The following NUMBL variants were observed in gnomAD, a reference collection of about 807,000 sequenced individuals.
The protein encoded by NUMBL is NUMB like endocytic adaptor protein.
A neutral mutation model predicts 48.9 loss-of-function variants in NUMBL; 20 were observed. That is an observed-to-expected ratio of 0.41 (90% CI 0.29 to 0.59). The LOEUF (loss-of-function observed/expected upper bound fraction) is 0.59, where lower values mean the gene tolerates loss of function less well. Ranked by LOEUF, NUMBL falls within the 20% of genes least tolerant of loss-of-function variation. The pLI, the probability that NUMBL is intolerant of heterozygous loss-of-function variation, is 0.31. For missense variants in NUMBL, 660 were observed against 846.2 expected (o/e 0.78, Z 2.73); for synonymous variants, 340 against 348.7 (o/e 0.98, Z 0.28).
chr19:40,670,085 A>AC, intron 8 of NUMBL, 65 bp from the exon 9 acceptor site: 3 of 1,545,692 alleles, frequency 1.9e-6, no homozygotes, highest in South Asian at 1.2e-5. Flanking sequence ...CCCGCCCTCT[A>AC]CCCCCCGCCC....
At position 40,687,116 on chromosome 19, in the gene NUMBL, T is replaced by G; in HGVS notation, c.25-121A>C. ...ATCTTGGGCTCCCTGATGAGAGTCCTAGTTGTCCTAGCAACTGTTACCAGG... is the reference window on the plus strand; with the variant it reads ...ATCTTGGGCTCCCTGATGAGAGTCCGAGTTGTCCTAGCAACTGTTACCAGG... On this transcript the variant is annotated intron_variant, in intron 1 of 9. Coordinates refer to ENST00000252891, the MANE Select transcript of NUMBL (RefSeq NM_004756.5). The surrounding 1 kb of genome is among the most constrained non-coding windows in gnomAD (Gnocchi z 4.6). 1 of 600,396 alleles carries G rather than the reference T, an allele frequency of 1.7e-6. No individual in the cohort carries two copies. Among genetic ancestry groups the G allele is most frequent in the Middle Eastern group, 4.3e-4 (1 of 2,316 alleles). 37.2% of individuals were successfully genotyped at this position (600,396 alleles called of 1,614,324 possible).
intron 6 of NUMBL, among the ~76,000 whole-genome samples, chr19:40,679,482 C>G (rs1599909019): frequency 6.6e-6 from 1 of 152,098 alleles, no homozygotes; most frequent in African/African-American, 2.4e-5. Flanking sequence ...AGTTCAAGAC[C>G]AACCTGACCT....
Position 40,686,943 on chromosome 19 carries a change from GGGGCCCC to G in NUMBL, c.70_76del (p.Gly24ArgfsTer17), listed in dbSNP as rs2081938146. On this transcript the variant is annotated frameshift_variant, in exon 2 of 10. Transcript: ENST00000252891. LOFTEE classifies it high-confidence loss of function. ...CGTCCTGCAGGTTTCTGGGGGCCCCGGGGCCCCACAGGGGGCTGGGGGCAGGTGCCGC... is the reference window on the plus strand; with the variant it reads ...CGTCCTGCAGGTTTCTGGGGGCCCCGACAGGGGGCTGGGGGCAGGTGCCGC... 3.9e-6 allele frequency: 6 copies of G among 1,544,908 alleles called. No homozygotes were observed. Among genetic ancestry groups the G allele is most frequent in the Non-Finnish European group, 5.2e-6 (6 of 1,143,648 alleles).
intron 2 of NUMBL, among the ~76,000 whole-genome samples, chr19:40,686,703 G>A (rs1379097503): frequency 1.3e-5 from 1 of 75,362 alleles, no homozygotes; most frequent in African/African-American, 1.3e-4. Context: ...AGATGTGAGT[G>A]TTTGTGACTC....
intron 3 of NUMBL, among the ~76,000 whole-genome samples, chr19:40,683,720 G>A (rs1446078438): frequency 1.3e-5 from 2 of 152,196 alleles, no homozygotes; most frequent in East Asian, 3.8e-4. Flanking sequence ...CTTTGCAAAT[G>A]CTACACCACA....
chr19:40,677,227 C>A lies in NUMBL; in HGVS notation c.730+5G>T. On this transcript the variant is annotated splice_donor_5th_base_variant and intron_variant, in intron 7 of 9. Transcript: ENST00000252891. Reference sequence around the variant, plus strand: ...TGCTCTGCTGGCGCTTGGGGCAACACCCACCTTTCTTCTTGTCCGGGGCCT... The same window carrying A: ...TGCTCTGCTGGCGCTTGGGGCAACAACCACCTTTCTTCTTGTCCGGGGCCT... The A allele has an allele frequency of 6.4e-7, 1 of 1,553,346 alleles. No homozygotes were observed. The highest frequency in any genetic ancestry group is 8.7e-7 in the Non-Finnish European group (1 of 1,149,070).
intron 1 of NUMBL, 148 bp downstream of exon 1, chr19:40,690,312 T>A (rs1356533850): frequency 2.4e-6 from 1 of 419,288 alleles, no homozygotes; most frequent in African/African-American, 2.1e-5. Context: ...TTTGGCTTGT[T>A]GGGCCTGTTC....
intron 2 of NUMBL, chr19:40,685,513 G>A (rs2081929828): frequency 6.5e-6 from 1 of 153,940 alleles, no homozygotes; most frequent in Non-Finnish European, 1.5e-5. Context: ...GTTGTTGTCT[G>A]TGAGTCTGAG....
At chr19:40,679,374 TTAAA>T (rs1399024441) in intron 6 of NUMBL, among the ~76,000 whole-genome samples, 1 of 151,900 alleles carries the variant, frequency 6.6e-6, no homozygotes, top group Non-Finnish European at 1.5e-5. Context: ...CGCTGTGTCA[TTAAA>T]TAAATTAATT....
chr19:40,673,499 T>C lies in NUMBL; in HGVS notation c.881A>G (p.His294Arg). The C allele has an allele frequency of 6.3e-7, 1 of 1,585,092 alleles. No homozygotes were observed. Among genetic ancestry groups the C allele is most frequent in the South Asian group, 1.1e-5 (1 of 87,436 alleles). The part of the protein sequence containing the change: ...GTTAAAIPRR[H>R]APLEQLVRQG... ...GCGAACCAGCTGCTCCAGGGGTGCA[T>C]GGCGCCGGGGGATGGCGGCCGCAGT... is the stretch of plus-strand genomic sequence containing the variant. Residue 294 changes from histidine to arginine, a missense_variant, in exon 8 of 10, where the codon CAT becomes CGT. His to Arg is a conservative substitution (Grantham distance 29, BLOSUM62 0). Coordinates refer to ENST00000252891, the MANE Select transcript of NUMBL (RefSeq NM_004756.5). The surrounding 1 kb of genome is among the most constrained non-coding windows in gnomAD (Gnocchi z 5.9).
At position 40,667,811 on chromosome 19, in the gene NUMBL, C is replaced by T. The variant is rs1433755300; in HGVS notation, c.1487G>A (p.Gly496Asp). 6.3e-7 allele frequency: 1 copy of T among 1,584,882 alleles called. No individual in the cohort carries two copies. Among genetic ancestry groups the T allele is most frequent in the Non-Finnish European group, 8.6e-7 (1 of 1,166,034 alleles). The change falls in exon 10 of 10, where the codon GGC (glycine) becomes GAC (aspartate). Residue 496 changes from glycine to aspartate, a missense_variant. Around this residue, in one of 3 missense-constraint regions of NUMBL, gnomAD observed 296 missense variants for 339.7 expected, o/e 0.87. Transcript: ENST00000252891. This position sits in a 1 kb window ranked among gnomAD's most constrained non-coding sequence, Gnocchi z 6.1. ...MQPPFVPAYP[G>D]LGYPPMPRVP... ...CCGGGGCATCGGTGGGTAGCCCAAG[C>T]CCGGGTAGGCGGGCACAAAAGGGGG...
chr19:40,674,044 A>G (rs2081862341), intron 7 of NUMBL, among the ~76,000 whole-genome samples: 1 of 152,128 alleles, frequency 6.6e-6, no homozygotes, highest in South Asian at 2.1e-4. Context: ...TTCAATCCAC[A>G]CGACTACCCA....
chr19:40,684,928 G>A (rs141210964), intron 2 of NUMBL: 8 of 245,682 alleles, frequency 3.3e-5, no homozygotes, highest in South Asian at 1.1e-4. Context: ...GAAATCAGAC[G>A]TAGGAGGGCA....
Position 40,677,257 on chromosome 19 carries a change from C to A in NUMBL, c.705G>T (p.Glu235Asp). The A allele has an allele frequency of 6.3e-7, 1 of 1,580,214 alleles. No individual in the cohort carries two copies. Among genetic ancestry groups the A allele is most frequent in the Non-Finnish European group, 8.6e-7 (1 of 1,163,912 alleles). ...CTTTCTTCTTGTCCGGGGCCTCTCG[C>A]TCAGCAGGCCGCCCACCCCCAGACA... is the stretch of plus-strand genomic sequence containing the variant. ...FRLSGGGRPA[E>D]REAPDKKKAE... is the part of the protein sequence containing the mutation. Residue 235 changes from glutamate to aspartate, a missense_variant, in exon 7 of 10, where the codon GAG (glutamate) becomes GAT (aspartate). Physicochemically the swap from Glu to Asp is conservative, Grantham distance 45. Transcript: ENST00000252891.
chr19:40,684,380 C>G (rs755300610), intron 3 of NUMBL, 37 bp downstream of exon 3: 7 of 1,533,474 alleles, frequency 4.6e-6, no homozygotes, highest in Non-Finnish European at 6.1e-6. Flanking sequence ...CGGCCCCCGT[C>G]CCCCTCGCCC....
rs1421802628 is a variant in NUMBL, at chr19:40,673,373, C to T, written c.1007G>A (p.Arg336His). The change falls in exon 8 of 10, where the codon CGC (arginine) becomes CAC (histidine). Residue 336 changes from arginine to histidine, a missense_variant. Arg to His is a conservative substitution (Grantham distance 29). Coordinates refer to ENST00000252891, the MANE Select transcript of NUMBL (RefSeq NM_004756.5). The surrounding 1 kb of genome is among the most constrained non-coding windows in gnomAD (Gnocchi z 5.9). Reference sequence around the variant, plus strand: ...GCCCTTCACCTGGAAGTCAGTGCGGCGCTGCAGCGTGGATGGCAGCTCATT... The same window carrying T: ...GCCCTTCACCTGGAAGTCAGTGCGGTGCTGCAGCGTGGATGGCAGCTCATT... ...RLNELPSTLQ[R>H]RTDFQVKGTV... 3.7e-6 allele frequency: 6 copies of T among 1,613,752 alleles called. No homozygotes were observed. The highest frequency in any genetic ancestry group is 5.1e-6 in the Non-Finnish European group (6 of 1,179,818).
At chr19:40,668,525 C>T (rs922931486) in intron 9 of NUMBL, among the ~76,000 whole-genome samples, 2 of 152,174 alleles carry the variant, frequency 1.3e-5, no homozygotes, top group Non-Finnish European at 2.9e-5. Context: ...GATGCCCTAT[C>T]TGGGCTCACT....
chr19:40,690,412 G>T, intron 1 of NUMBL, 48 bp downstream of exon 1: 2 of 1,128,334 alleles, frequency 1.8e-6, no homozygotes, highest in Non-Finnish European at 2.3e-6. Context: ...CGCCACATCA[G>T]CAGCGGCGCC....
Position 40,682,607 on chromosome 19 carries a change from G to T in NUMBL, c.399+121C>A. On this transcript the variant is annotated intron_variant, in intron 5 of 9. Transcript: ENST00000252891. The surrounding 1 kb of genome is among the most constrained non-coding windows in gnomAD (Gnocchi z 4.0). ...GTTATGACGACAGAGGGAGCACACG[G>T]CATCGTCTAGAAGGTCCCTGAGGGA... 3 of 827,632 alleles carry T rather than the reference G, an allele frequency of 3.6e-6. No homozygotes were observed. Among genetic ancestry groups the T allele is most frequent in the Non-Finnish European group, 5.8e-6 (3 of 519,218 alleles). 51.3% of individuals were successfully genotyped at this position (827,632 alleles called of 1,614,324 possible). A position where few individuals can be genotyped will look rare whatever the true frequency, so the allele number is the denominator to read the frequency against.
Sources: allele counts gnomAD v4.1 joint callset (sites outside exome capture counted in the v4.1 genomes callset), GRCh38; gene constraint gnomAD v4.1.1; regional missense constraint gnomAD v4.1.1; non-coding constraint Gnocchi (gnomAD v3.1); transcripts MANE v1.5; gene names NCBI Gene and HGNC (gene_info 2026-07-23, HGNC 2026-07-21).